The following STT3A variants were observed in gnomAD, a reference collection of about 807,000 sequenced individuals.
The protein encoded by STT3A is dolichyl-diphosphooligosaccharide--protein glycosyltransferase subunit STT3A.
STT3A carries 34 observed loss-of-function variants against 89.2 expected under a neutral mutation model. The ratio of observed to expected loss-of-function variants is 0.38; its 90% CI spans 0.29 to 0.51. STT3A has a LOEUF of 0.51. Ranked by LOEUF, STT3A falls within the 20% of genes least tolerant of loss-of-function variation. The probability of loss-of-function intolerance (pLI) is 0.89; values close to 1 mark genes in which losing one functional copy is unlikely to be tolerated. For synonymous variants in STT3A, 282 were observed against 310.3 expected, an observed-to-expected ratio of 0.91 and a Z score of 0.96; for missense variants, 555 against 889.5, an observed-to-expected ratio of 0.62 and a Z score of 4.78.
At chr11:125,598,573 T>G (rs1939569777) in intron 3 of STT3A, among the ~76,000 whole-genome samples, 1 of 152,204 alleles carries the variant, frequency 6.6e-6, no homozygotes, top group South Asian at 2.1e-4. Flanking sequence ...TCAGTTTATA[T>G]TTTTTCTCAT....
Position 125,614,142 on chromosome 11 carries a change from A to G in STT3A, c.1610A>G (p.Asn537Ser). The change falls in exon 14 of 18, where the codon AAC becomes AGC. Residue 537 changes from asparagine to serine, a missense_variant. By Grantham distance (46) the Asn-to-Ser change is conservative. Around this residue, in one of 5 missense-constraint regions of STT3A, gnomAD observed 273 missense variants for 449.8 expected, o/e 0.61. Coordinates refer to ENST00000392708, the MANE Select transcript of STT3A (RefSeq NM_152713.5). This position sits in a 1 kb window ranked among gnomAD's most constrained non-coding sequence, Gnocchi z 4.9. ...DYGYQITAMA[N>S]RTILVDNNTW... ...GGCTATCAGATTACAGCTATGGCAA[A>G]CCGAACAATTTTAGTGGACAATAAC... 1 of 1,614,184 alleles carries G rather than the reference A, an allele frequency of 6.2e-7. No individual in the cohort carries two copies.
At chr11:125,592,630 C>T, upstream of STT3A, 1 of 388,388 alleles carries the variant, frequency 2.6e-6, no homozygotes. Flanking sequence ...GCGCTCTTGA[C>T]TCCTACGCGC....
chr11:125,601,807 A>T (rs560627660), intron 3 of STT3A, among the ~76,000 whole-genome samples: 103 of 150,054 alleles, frequency 6.9e-4, no homozygotes, highest in East Asian at 5.9e-4. Flanking sequence ...TTATTTATTT[A>T]TTTTTTTTTC....
chr11:125,607,692 C>CT (rs1384740755), intron 8 of STT3A, among the ~76,000 whole-genome samples: 1 of 152,194 alleles, frequency 6.6e-6, no homozygotes, highest in Non-Finnish European at 1.5e-5. Context: ...AACCACCGAT[C>CT]TAAGGCAAAG....
intron 12 of STT3A, 107 bp from the exon 13 acceptor site, chr11:125,612,882 G>GGCC: frequency 1.3e-6 from 2 of 1,514,740 alleles, no homozygotes; most frequent in Non-Finnish European, 1.8e-6. Context: ...TATAGCCTCT[G>GGCC]ACTTATTTTG....
chr11:125,608,050 G>A, intron 8 of STT3A, 59 bp from the exon 9 acceptor site: 3 of 1,511,322 alleles, frequency 2.0e-6, no homozygotes, highest in Non-Finnish European at 2.7e-6. Flanking sequence ...ATGCAGGCCT[G>A]CACTGGACTT....
rs1323917378 is a variant in STT3A at position 125,620,886 on chromosome 11, T to C, written c.*76T>C. On this transcript the variant is annotated 3_prime_UTR_variant, in exon 18 of 18. Transcript: ENST00000392708. ...ACGTTGAAGATTTTTTTTTTTTTTT[T>C]TTTTTAATATGCAGTTTGTAAGAAC... 15 of 1,398,472 alleles carry C rather than the reference T, an allele frequency of 1.1e-5. No individual in the cohort carries two copies. Among genetic ancestry groups the C allele is most frequent in the Non-Finnish European group, 1.5e-5 (15 of 1,024,398 alleles). 86.6% of individuals were successfully genotyped at this position (1,398,472 alleles called of 1,614,324 possible). A position where few individuals can be genotyped will look rare whatever the true frequency, so the allele number is the denominator to read the frequency against.
In STT3A at chr11:125,621,135, T is replaced by G. The variant is rs1406451982; in HGVS notation, c.*325T>G. 4.3e-6 allele frequency: 1 copy of G among 232,994 alleles called. No homozygotes were observed. The highest frequency in any genetic ancestry group is 2.3e-5 in the African/African-American group (1 of 43,996). The allele number at this position is 232,994 out of a possible 1,614,324, so 14.4% of individuals were successfully genotyped here. Reference sequence around the variant, plus strand: ...GCTATGCTAGGCTGCCAGAAGGACATAAGCAGACCTTGTCCATTCTCTTAG... The same window carrying G: ...GCTATGCTAGGCTGCCAGAAGGACAGAAGCAGACCTTGTCCATTCTCTTAG... On this transcript the variant is annotated 3_prime_UTR_variant, in exon 18 of 18. Coordinates refer to ENST00000392708, the MANE Select transcript of STT3A (RefSeq NM_152713.5).
chr11:125,611,317 A>T (rs1178067838), intron 10 of STT3A, 111 bp from the exon 11 acceptor site: 2 of 771,066 alleles, frequency 2.6e-6, no homozygotes, highest in African/African-American at 3.5e-5. Context: ...CTGGAAGTGG[A>T]ATTGCTGGGT....
intron 8 of STT3A, among the ~76,000 whole-genome samples, chr11:125,606,844 A>G (rs1008507889): frequency 1.3e-5 from 2 of 152,228 alleles, no homozygotes; most frequent in Non-Finnish European, 2.9e-5. Flanking sequence ...TGCTTCAGGA[A>G]GTAAAGCACA....
chr11:125,618,524 G>A lies in STT3A; in HGVS notation c.1926G>A (p.Met642Ile), dbSNP rs369357859. 6 of 1,613,626 alleles carry A rather than the reference G, an allele frequency of 3.7e-6. No individual in the cohort carries two copies. The highest frequency in any genetic ancestry group is 3.3e-5 in the Admixed American group (2 of 59,910). Residue 642 changes from methionine to isoleucine, a missense_variant, in exon 16 of 18, where the codon ATG (methionine) becomes ATA (isoleucine). Coordinates refer to ENST00000392708, the MANE Select transcript of STT3A (RefSeq NM_152713.5). Reference sequence around the variant, plus strand: ...TGCTCAACTGCCTCATGTACAAGATGTGTTACTATCGCTTTGGACAGGTTT... The same window carrying A: ...TGCTCAACTGCCTCATGTACAAGATATGTTACTATCGCTTTGGACAGGTTT... ...PVLLNCLMYK[M>I]CYYRFGQVYT... is the part of the protein sequence containing the mutation.
At chr11:125,604,371 A>G in intron 6 of STT3A, 124 bp downstream of exon 6, 1 of 904,990 alleles carries the variant, frequency 1.1e-6, no homozygotes, top group African/African-American at 1.7e-5. Context: ...AGAAATGGGC[A>G]GGAACGGATC....
rs762426172 is a variant in STT3A, at chr11:125,604,211, A to G, written c.472A>G (p.Ile158Val). Reference sequence around the variant, plus strand: ...CATGATTGCTGTAGTTCCTGGATATATCTCCCGATCTGTGGCTGGCTCCTA... The same window carrying G: ...CATGATTGCTGTAGTTCCTGGATATGTCTCCCGATCTGTGGCTGGCTCCTA... ...AAMIAVVPGY[I>V]SRSVAGSYDN... Residue 158 changes from isoleucine to valine, a missense_variant, in exon 6 of 18, where the codon ATC becomes GTC. This residue lies in a region of STT3A where 129 missense variants were observed against 193.2 expected (regional missense o/e 0.67). Transcript: ENST00000392708. 1.2e-6 allele frequency: 2 copies of G among 1,614,002 alleles called. No individual in the cohort carries two copies. The highest frequency in any genetic ancestry group is 2.2e-5 in the East Asian group (1 of 44,870).
chr11:125,596,103 C>T, intron 2 of STT3A, 100 bp downstream of exon 2: 1 of 895,832 alleles, frequency 1.1e-6, no homozygotes, highest in Non-Finnish European at 1.8e-6. Context: ...TTCTTTTTAG[C>T]AGATTGTTAC....
At chr11:125,593,780 G>A (rs1184516716) in intron 1 of STT3A, 1 of 152,174 alleles carries the variant, frequency 6.6e-6, no homozygotes, top group Non-Finnish European at 1.5e-5. Context: ...GCTCTTCTGG[G>A]ACAGTTAATT....
At chr11:125,602,279 A>G (rs781760220) in intron 3 of STT3A, 24 bp from the exon 4 acceptor site, 3 of 1,605,442 alleles carry the variant, frequency 1.9e-6, no homozygotes, top group Non-Finnish European at 2.5e-6. Context: ...ACAAATTTAC[A>G]ACAAAGTTTA....
chr11:125,592,478 G>A (rs1224299995), upstream of STT3A: 1 of 456,120 alleles, frequency 2.2e-6, no homozygotes, highest in South Asian at 1.5e-5. Flanking sequence ...TGGAGCAAGG[G>A]CCTATTTCAG....
chr11:125,593,537 A>G (rs1271305789), intron 1 of STT3A: 1 of 152,170 alleles, frequency 6.6e-6, no homozygotes, highest in Non-Finnish European at 1.5e-5. Context: ...GCCCTCAATG[A>G]CTAGCTCGTT....
chr11:125,619,762 C>T (rs1940293729), intron 16 of STT3A, among the ~76,000 whole-genome samples: 1 of 152,090 alleles, frequency 6.6e-6, no homozygotes, highest in African/African-American at 2.4e-5. Flanking sequence ...CCTTGGAAGT[C>T]GGCTCCCTAT....
Sources: gnomAD v4.1 joint callset for allele counts (sites outside exome capture counted in the v4.1 genomes callset) on GRCh38, gnomAD v4.1.1 for gene constraint, gnomAD v4.1.1 regional missense constraint, Gnocchi (gnomAD v3.1) non-coding constraint, MANE v1.5 for transcripts, NCBI Gene and HGNC (gene_info 2026-07-23, HGNC 2026-07-21) for gene names.